CAB39L: variants seen among roughly 807,000 people sequenced by gnomAD.
CAB39L encodes calcium binding protein 39 like, also known as calcium-binding protein 39-like.
CAB39L carries 23 observed loss-of-function variants against 39.1 expected under a neutral mutation model. That is an observed-to-expected ratio of 0.59 (90% CI 0.42 to 0.83). The LOEUF is 0.83. Ranked by LOEUF, CAB39L falls within the 40% of genes least tolerant of loss-of-function variation. The probability of loss-of-function intolerance (pLI) is 0.00; values close to 1 mark genes in which losing one functional copy is unlikely to be tolerated. For synonymous variants in CAB39L, 126 were observed against 137.2 expected, an observed-to-expected ratio of 0.92 and a Z score of 0.57; for missense variants, 366 against 391.9, an observed-to-expected ratio of 0.93 and a Z score of 0.56.
At chr13:49,360,205 G>T (rs1955596273) in intron 5 of CAB39L, among the ~76,000 whole-genome samples, 2 of 152,142 alleles carry the variant, frequency 1.3e-5, no homozygotes, top group Non-Finnish European at 2.9e-5. Context: ...CATGAATAAG[G>T]AAGGAAAACA....
At chr13:49,338,887 A>G (rs1340465171) in intron 9 of CAB39L, among the ~76,000 whole-genome samples, 5 of 152,184 alleles carry the variant, frequency 3.3e-5, no homozygotes, top group African/African-American at 1.2e-4. Context: ...ACTGTCGTGA[A>G]TGCTCAGGGA....
chr13:49,332,800 A>G (rs1328066356), intron 9 of CAB39L, among the ~76,000 whole-genome samples: 1 of 151,834 alleles, frequency 6.6e-6, no homozygotes, highest in South Asian at 2.1e-4. Flanking sequence ...ATAATTCTGG[A>G]GAACAGAATT....
intron 10 of CAB39L, among the ~76,000 whole-genome samples, chr13:49,324,638 T>G (rs1954446339): frequency 1.3e-5 from 2 of 152,216 alleles, no homozygotes; most frequent in Admixed American, 6.5e-5. Flanking sequence ...CTGTGAGAGC[T>G]CAGGCTTGTC....
chr13:49,326,578 T>A (rs921286525), intron 10 of CAB39L, among the ~76,000 whole-genome samples: 3 of 152,192 alleles, frequency 2.0e-5, no homozygotes, highest in Non-Finnish European at 2.9e-5. Flanking sequence ...AAAAACCTAT[T>A]AATTAAACGA....
chr13:49,349,477 T>TATAC (rs543195246), intron 7 of CAB39L, among the ~76,000 whole-genome samples: 4 of 148,668 alleles, frequency 2.7e-5, no homozygotes, highest in African/African-American at 9.8e-5. Context: ...TATATATATA[T>TATAC]ACATTTAAAT....
chr13:49,395,993 G>A (rs537242159), intron 3 of CAB39L, among the ~76,000 whole-genome samples: 17 of 151,054 alleles, frequency 1.1e-4, no homozygotes, highest in Non-Finnish European at 1.6e-4. Flanking sequence ...GGCCAGGTGC[G>A]GTAGCTCACA....
At chr13:49,369,590 AT>A (rs34632855) in intron 5 of CAB39L, among the ~76,000 whole-genome samples, 4,947 of 146,598 alleles carry the variant, frequency 0.034, 219 homozygotes, top group African/African-American at 0.11. Context: ...GGCAAAGGAG[AT>A]TTTTTTTTTT....
chr13:49,349,242 A>G (rs1955269932), intron 7 of CAB39L, among the ~76,000 whole-genome samples: 1 of 152,154 alleles, frequency 6.6e-6, no homozygotes, highest in African/African-American at 2.4e-5. Flanking sequence ...TGGAGTATGT[A>G]TTAATATTAG....
chr13:49,396,491 A>G (rs1956631731), intron 3 of CAB39L, among the ~76,000 whole-genome samples: 1 of 152,104 alleles, frequency 6.6e-6, no homozygotes, highest in African/African-American at 2.4e-5. Context: ...GGTGGATCAC[A>G]TGAGGTCAGG....
chr13:49,353,297 G>A (rs1212853085), intron 6 of CAB39L, among the ~76,000 whole-genome samples: 1 of 152,174 alleles, frequency 6.6e-6, no homozygotes, highest in Non-Finnish European at 1.5e-5. Context: ...AGGGGTATAT[G>A]TTCTGAAATG....
At chr13:49,340,560 A>T (rs928624343) in intron 8 of CAB39L, among the ~76,000 whole-genome samples, 1 of 152,246 alleles carries the variant, frequency 6.6e-6, no homozygotes, top group Non-Finnish European at 1.5e-5. Flanking sequence ...AAAAGTAAAA[A>T]TACAAAGGTG....
chr13:49,416,672 T>A lies in CAB39L; in HGVS notation c.-32+16646A>T, dbSNP rs555289191. ...CTTACAAGGTGCCTGGACAAATTAC[T>A]TAACCTCTCTGGGCCCCTATTTCCT... On this transcript the variant is annotated intron_variant, in intron 3 of 10. Transcript: ENST00000409308. 1.4e-4 allele frequency among the ~76,000 whole-genome samples: 21 copies of A among 152,320 alleles called. No homozygotes were observed. In the East Asian group the frequency reaches 4.0e-3, roughly 29 times the overall value.
chr13:49,430,130 C>T (rs1248437470), intron 3 of CAB39L, among the ~76,000 whole-genome samples: 1 of 152,170 alleles, frequency 6.6e-6, no homozygotes, highest in Admixed American at 6.5e-5. Flanking sequence ...TACTTATTCT[C>T]CTTTTAATCA....
intron 10 of CAB39L, among the ~76,000 whole-genome samples, chr13:49,324,802 T>A (rs1203951879): frequency 1.3e-5 from 2 of 152,260 alleles, no homozygotes; most frequent in East Asian, 3.8e-4. Flanking sequence ...GTTAATGCAA[T>A]TGCTTTGGTA....
intron 4 of CAB39L, among the ~76,000 whole-genome samples, chr13:49,378,298 A>C: frequency 1.4e-5 from 1 of 69,098 alleles, no homozygotes; most frequent in East Asian, 2.9e-4. Flanking sequence ...CAGCCGCCCC[A>C]TCTGGGAGGG....
At chr13:49,440,597 C>A (rs1036038422) in intron 1 of CAB39L, among the ~76,000 whole-genome samples, 4 of 151,832 alleles carry the variant, frequency 2.6e-5, no homozygotes, top group African/African-American at 9.7e-5. Flanking sequence ...ATTGATTCTT[C>A]CAATCCATGA....
intron 3 of CAB39L, among the ~76,000 whole-genome samples, chr13:49,423,671 C>T (rs945955658): frequency 7.9e-5 from 12 of 152,068 alleles, no homozygotes; most frequent in African/African-American, 2.9e-4. Flanking sequence ...AAAATAAAAA[C>T]AAGTAAGCAA....
chr13:49,353,600 C>T (rs575668664), intron 6 of CAB39L, among the ~76,000 whole-genome samples: 15 of 152,112 alleles, frequency 9.9e-5, no homozygotes, highest in Admixed American at 9.8e-4. Context: ...ATGCCATCTC[C>T]TCCTTGAAGC....
At chr13:49,368,299 A>G (rs1004166730) in intron 5 of CAB39L, among the ~76,000 whole-genome samples, 11 of 152,232 alleles carry the variant, frequency 7.2e-5, no homozygotes, top group Non-Finnish European at 2.9e-5. Context: ...GGATAACAAA[A>G]GCAGGTTCTG....
Sources: allele counts gnomAD v4.1 joint callset (sites outside exome capture counted in the v4.1 genomes callset), GRCh38; gene constraint gnomAD v4.1.1; transcripts MANE v1.5; gene names NCBI Gene and HGNC (gene_info 2026-07-23, HGNC 2026-07-21).